Variants in CHML observed in about 807,000 individuals in gnomAD.
CHML encodes rab proteins geranylgeranyltransferase component A 2.
A neutral mutation model predicts 30.4 loss-of-function variants in CHML; 20 were observed. The observed-to-expected ratio is 0.66, with a 90% CI of 0.46 to 0.95. The LOEUF (loss-of-function observed/expected upper bound fraction) is 0.95. CHML is among the 40% of genes least tolerant of loss of function. The pLI, the probability that CHML is intolerant of heterozygous loss-of-function variation, is 0.00. For missense variants in CHML, 795 were observed against 768.5 expected (o/e 1.03, Z -0.41); for synonymous variants, 281 against 275.0 (o/e 1.02, Z -0.22).
In CHML at chr1:241,633,259, T is replaced by C. The variant is rs1336579983; in HGVS notation, c.*537A>G. ...TAATCTTTAAACGATTATAGACAAA[T>C]GTATTTTATTATCATATTGGCATTT... On this transcript the variant is annotated 3_prime_UTR_variant, in exon 2 of 2. Coordinates refer to ENST00000366553, the MANE Select transcript of CHML (RefSeq NM_001381853.1). 6 of 156,782 alleles carry C rather than the reference T, an allele frequency of 3.8e-5. No homozygotes were observed. In the South Asian group the frequency reaches 9.3e-4, roughly 24 times the overall value. The allele number at this position is 156,782 out of a possible 1,614,324, so 9.7% of individuals were successfully genotyped here.
At position 241,629,487 on chromosome 1, in the gene CHML, TAA is replaced by T. The variant is rs1361847801; in HGVS notation, c.*4307_*4308del. On this transcript the variant is annotated 3_prime_UTR_variant, in exon 2 of 2. Transcript: ENST00000366553. ...TACACGATCGCTTTATAAATTTGCC[TAA>T]GAGTACAAACCCTTATGGATATGCA... 5.3e-5 allele frequency: 8 copies of T among 152,290 alleles called. No homozygotes were observed. Among genetic ancestry groups the T allele is most frequent in the Middle Eastern group, 3.4e-3 (1 of 294 alleles). The allele number at this position is 152,290 out of a possible 1,614,324, so 9.4% of individuals were successfully genotyped here.
rs1286334114 is a variant in CHML at position 241,640,087 on chromosome 1, G to A, written c.-513C>T. 16 of 1,610,184 alleles carry A rather than the reference G, an allele frequency of 9.9e-6. No homozygotes were observed. Among genetic ancestry groups the A allele is most frequent in the South Asian group, 2.2e-5 (2 of 90,704 alleles). ...GGACGAGCACCAGCAGGTTGTTGCC[G>A]ACGCCCAGCAGCCCAATGGAGCCCA... On this transcript the variant is annotated 5_prime_UTR_variant, in exon 1 of 2. Transcript: ENST00000366553.
rs1665055403 is a variant in CHML, at chr1:241,640,000, G to A, written c.-426C>T. 6.2e-7 allele frequency: 1 copy of A among 1,613,288 alleles called. No individual in the cohort carries two copies. On this transcript the variant is annotated 5_prime_UTR_variant, in exon 1 of 2. Transcript: ENST00000366553. ...CGAAGAGGGACACCAGCAGGTCGCT[G>A]AGGCTGATGTTGACCAGGAGGAGGT... is the stretch of plus-strand genomic sequence containing the variant.
intron 1 of CHML, among the ~76,000 whole-genome samples, chr1:241,637,759 A>G (rs1030120151): frequency 6.6e-5 from 10 of 152,218 alleles, no homozygotes; most frequent in Non-Finnish European, 1.2e-4. Context: ...GGAGAGATTA[A>G]GTGACTTGAG....
chr1:241,639,756 G>A, intron 1 of CHML, 126 bp downstream of exon 1: 1 of 974,988 alleles, frequency 1.0e-6, no homozygotes, highest in East Asian at 3.2e-5. Flanking sequence ...GCGGTGTAGG[G>A]CGGGGGGCGC....
rs989566903 is a variant in CHML at position 241,633,022 on chromosome 1, A to C, written c.*774T>G. ...AAGTGCCAGGGCAGGGCTCTGCAGA[A>C]ATTTTCTGAAGTATTAAATAAGAAT... On this transcript the variant is annotated 3_prime_UTR_variant, in exon 2 of 2. Coordinates refer to ENST00000366553, the MANE Select transcript of CHML (RefSeq NM_001381853.1). 6.6e-6 allele frequency: 1 copy of C among 152,142 alleles called. No homozygotes were observed. Among genetic ancestry groups the C allele is most frequent in the Non-Finnish European group, 1.5e-5 (1 of 68,012 alleles). 9.4% of individuals were successfully genotyped at this position (152,142 alleles called of 1,614,324 possible).
rs536486529 is a variant in CHML, at chr1:241,635,840, G to C, written c.-74C>G. 7.0e-7 allele frequency: 1 copy of C among 1,434,034 alleles called. No homozygotes were observed. The highest frequency in any genetic ancestry group is 1.4e-5 in the African/African-American group (1 of 70,144). 88.8% of individuals were successfully genotyped at this position (1,434,034 alleles called of 1,614,324 possible). ...GTGTGATTATGCTGTAATAAAATCT[G>C]TCCTTCTGATGTTCCAGTTATCCCA... On this transcript the variant is annotated 5_prime_UTR_variant, in exon 2 of 2. Transcript: ENST00000366553.
chr1:241,639,748 G>T, intron 1 of CHML, 134 bp downstream of exon 1: 1 of 886,828 alleles, frequency 1.1e-6, no homozygotes, highest in Non-Finnish European at 1.6e-6. Context: ...GGAGCGGGGC[G>T]GTGTAGGGCG....
chr1:241,635,811 T>A lies in CHML; in HGVS notation c.-45A>T. 6.5e-7 allele frequency: 1 copy of A among 1,548,386 alleles called. No individual in the cohort carries two copies. The highest frequency in any genetic ancestry group is 8.8e-7 in the Non-Finnish European group (1 of 1,141,266). Reference sequence around the variant, plus strand: ...TGGTGACAACTGCTGATGAAAGAAATGAGGTGTGATTATGCTGTAATAAAA... The same window carrying A: ...TGGTGACAACTGCTGATGAAAGAAAAGAGGTGTGATTATGCTGTAATAAAA... On this transcript the variant is annotated 5_prime_UTR_variant, in exon 2 of 2. Coordinates refer to ENST00000366553, the MANE Select transcript of CHML (RefSeq NM_001381853.1).
chr1:241,633,959 G>C lies in CHML; in HGVS notation c.1808C>G (p.Thr603Ser). ...AETLFQEIFP[T>S]EEFCPPPPNP... Reference sequence around the variant, plus strand: ...TGGAGGTGGAGGGCAGAATTCTTCAGTTGGAAAGATCTCCTGGAAAAGTGT... The same window carrying C: ...TGGAGGTGGAGGGCAGAATTCTTCACTTGGAAAGATCTCCTGGAAAAGTGT... The change falls in exon 2 of 2, where the codon ACT (threonine) becomes AGT (serine). Residue 603 changes from threonine to serine, a missense_variant. Physicochemically the swap from Thr to Ser is moderately conservative, Grantham distance 58 (BLOSUM62 1). Coordinates refer to ENST00000366553, the MANE Select transcript of CHML (RefSeq NM_001381853.1). 1 of 1,613,912 alleles carries C rather than the reference G, an allele frequency of 6.2e-7. No homozygotes were observed. The highest frequency in any genetic ancestry group is 1.3e-5 in the African/African-American group (1 of 75,012).
Position 241,629,066 on chromosome 1 carries a change from A to G in CHML, c.*4730T>C, listed in dbSNP as rs1378211068. The stretch of plus-strand genomic sequence containing the variant: ...CACTTTTTTGCATACAATTTGACAT[A>G]TATCAATATTATTGAATGGCTATAT... On this transcript the variant is annotated 3_prime_UTR_variant, in exon 2 of 2. Coordinates refer to ENST00000366553, the MANE Select transcript of CHML (RefSeq NM_001381853.1). 6.6e-6 allele frequency: 1 copy of G among 152,596 alleles called. No homozygotes were observed. The highest frequency in any genetic ancestry group is 2.4e-5 in the African/African-American group (1 of 41,432). The allele number at this position is 152,596 out of a possible 1,614,324, so 9.5% of individuals were successfully genotyped here.
chr1:241,636,144 G>T, intron 1 of CHML, 71 bp from the exon 2 acceptor site: 1 of 413,876 alleles, frequency 2.4e-6, no homozygotes, highest in South Asian at 1.0e-4. Context: ...ATGCAACAAT[G>T]ACAATCCATT....
chr1:241,636,711 G>C (rs3765827), intron 1 of CHML, among the ~76,000 whole-genome samples: 12,617 of 152,092 alleles, frequency 0.083, 595 homozygotes, highest in African/African-American at 0.12. Flanking sequence ...TTATATGAAT[G>C]TACACATGCA....
chr1:241,634,161 T>C lies in CHML; in HGVS notation c.1606A>G (p.Thr536Ala), dbSNP rs754689407. ...VKKLFTPYTE[T>A]EINEEELTKP... Reference sequence around the variant, plus strand: ...GTAAGTTCTTCCTCGTTTATTTCTGTTTCAGTATACGGAGTGAATAATTTC... The same window carrying C: ...GTAAGTTCTTCCTCGTTTATTTCTGCTTCAGTATACGGAGTGAATAATTTC... The change falls in exon 2 of 2, where the codon ACA becomes GCA. Residue 536 changes from threonine (T) to alanine (A), a missense_variant. Thr to Ala is a moderately conservative substitution (Grantham distance 58, BLOSUM62 0). Transcript: ENST00000366553. 9.9e-6 allele frequency: 16 copies of C among 1,613,766 alleles called. No individual in the cohort carries two copies. The East Asian group carries it at 3.6e-4, about 36-fold the overall frequency.
In CHML at chr1:241,629,017, GTTC is replaced by G. The variant is rs776413358; in HGVS notation, c.*4776_*4778del. The G allele has an allele frequency of 3.9e-5, 6 of 152,462 alleles. No individual in the cohort carries two copies. The highest frequency in any genetic ancestry group is 7.2e-5 in the African/African-American group (3 of 41,408). 9.4% of individuals were successfully genotyped at this position (152,462 alleles called of 1,614,324 possible). A position where few individuals can be genotyped will look rare whatever the true frequency, so the allele number is the denominator to read the frequency against. On this transcript the variant is annotated 3_prime_UTR_variant, in exon 2 of 2. Coordinates refer to ENST00000366553, the MANE Select transcript of CHML (RefSeq NM_001381853.1). ...ACATGTATCAGTAAACACAATTTATGTTCTTATTAACATTTTTGAATCTCACTT... is the reference window on the plus strand; with the variant it reads ...ACATGTATCAGTAAACACAATTTATGTTATTAACATTTTTGAATCTCACTT...
Position 241,634,929 on chromosome 1 carries a change from T to C in CHML, c.838A>G (p.Arg280Gly), listed in dbSNP as rs1558447850. Residue 280 changes from arginine to glycine, a missense_variant, in exon 2 of 2, where the codon AGA becomes GGA. Coordinates refer to ENST00000366553, the MANE Select transcript of CHML (RefSeq NM_001381853.1). Reference sequence around the variant, plus strand: ...TCCTTGCTATTAAAGACATCTGCTCTGGAACAAGGAACTTGTTCTACCTTT... The same window carrying C: ...TCCTTGCTATTAAAGACATCTGCTCCGGAACAAGGAACTTGTTCTACCTTT... ...EGKVEQVPCS[R>G]ADVFNSKELT... The C allele has an allele frequency of 6.2e-7, 1 of 1,612,870 alleles. No homozygotes were observed.
chr1:241,635,402 T>C lies in CHML; in HGVS notation c.365A>G (p.Asn122Ser). The C allele has an allele frequency of 6.2e-7, 1 of 1,614,006 alleles. No individual in the cohort carries two copies. Among genetic ancestry groups the C allele is most frequent in the Non-Finnish European group, 8.5e-7 (1 of 1,179,920 alleles). The change falls in exon 2 of 2, where the codon AAT becomes AGT. Residue 122 changes from asparagine (N) to serine (S), a missense_variant. Coordinates refer to ENST00000366553, the MANE Select transcript of CHML (RefSeq NM_001381853.1). Reference protein sequence around the residue: ...NVEEIGALQKNPSLGVSNTFT... With the variant: ...NVEEIGALQKSPSLGVSNTFT... Reference sequence around the variant, plus strand: ...GGTATTAGACACCCCCAAAGAAGGATTTTTCTGCAGAGCACCAATCTCTTC... The same window carrying C: ...GGTATTAGACACCCCCAAAGAAGGACTTTTCTGCAGAGCACCAATCTCTTC...
chr1:241,639,592 G>A (rs1665031748), intron 1 of CHML, among the ~76,000 whole-genome samples: 1 of 151,874 alleles, frequency 6.6e-6, no homozygotes, highest in Admixed American at 6.6e-5. Flanking sequence ...TAAGAAAGGA[G>A]GCGGGCCGGG....
rs1475271521 is a variant in CHML at position 241,634,431 on chromosome 1, A to G, written c.1336T>C (p.Cys446Arg). 1.2e-6 allele frequency: 2 copies of G among 1,613,790 alleles called. No individual in the cohort carries two copies. The highest frequency in any genetic ancestry group is 3.3e-5 in the Admixed American group (2 of 60,028). ...ATCTGCTTATACTGCACATTTGAGC[A>G]TGTTTCCTCAGAAAGGTAACTGTCT... The part of the protein sequence containing the change: ...VEDSYLSEET[C>R]SNVQYKQISR... The change falls in exon 2 of 2, where the codon TGC becomes CGC. Residue 446 changes from cysteine (C) to arginine (R), a missense_variant. Transcript: ENST00000366553.
Sources: allele counts gnomAD v4.1 joint callset (sites outside exome capture counted in the v4.1 genomes callset), GRCh38; gene constraint gnomAD v4.1.1; transcripts MANE v1.5; gene names NCBI Gene and HGNC (gene_info 2026-07-23, HGNC 2026-07-21).